The following P4HB variants were observed in gnomAD, a reference collection of about 807,000 sequenced individuals.
The protein encoded by P4HB is protein disulfide-isomerase.
In P4HB, 20 loss-of-function variants were observed where a neutral mutation model predicts 52.6. The ratio of observed to expected loss-of-function variants is 0.38; its 90% CI spans 0.27 to 0.55. P4HB has a LOEUF of 0.55. Ranked by LOEUF, P4HB falls within the 20% of genes least tolerant of loss-of-function variation. The pLI, the probability that P4HB is intolerant of heterozygous loss-of-function variation, is 0.74. For missense variants in P4HB, 601 were observed against 669.2 expected (o/e 0.90, Z 1.12); for synonymous variants, 296 against 277.9 (o/e 1.07, Z -0.65).
intron 2 of P4HB, among the ~76,000 whole-genome samples, chr17:81,857,203 C>T (rs1468467766): frequency 2.0e-5 from 3 of 152,116 alleles, no homozygotes; most frequent in South Asian, 2.1e-4. Flanking sequence ...GGCTGGAGTG[C>T]GGTGGCACGA....
chr17:81,855,734 G>C lies in P4HB; in HGVS notation c.353-148C>G. On this transcript the variant is annotated intron_variant, in intron 2 of 10. Transcript: ENST00000331483. The surrounding 1 kb of genome is among the most constrained non-coding windows in gnomAD (Gnocchi z 4.3). ...TGTTCTCCCACCATGGAAGAGGCCC[G>C]GTGCCGTCCGCCCGCCTCCTAAACC... 4.5e-6 allele frequency: 4 copies of C among 884,258 alleles called. No homozygotes were observed. The South Asian group carries it at 7.2e-5, about 16-fold the overall frequency. 54.8% of individuals were successfully genotyped at this position (884,258 alleles called of 1,614,324 possible).
At chr17:81,856,615 G>A (rs1325780312) in intron 2 of P4HB, among the ~76,000 whole-genome samples, 1 of 150,718 alleles carries the variant, frequency 6.6e-6, no homozygotes, top group East Asian at 1.9e-4. Context: ...TAGGATTACA[G>A]AGGTGAGCCA....
At chr17:81,847,103 A>C (rs201671991) in intron 5 of P4HB, 31 bp from the exon 6 acceptor site, 74 of 1,613,542 alleles carry the variant, frequency 4.6e-5, no homozygotes, top group Non-Finnish European at 6.2e-5. Flanking sequence ...ACTGGGTCTG[A>C]GTCACACACT....
chr17:81,845,739 G>A lies in P4HB; in HGVS notation c.1181C>T (p.Ala394Val), dbSNP rs570207013. ...EKKNVFVEFY[A>V]PWCGHCKQLA... ...CTGTTTGCAGTGACCACACCATGGG[G>A]CATCTGAAAAGAAAGCAGTTCTAGG... The change falls in exon 9 of 11, where the codon GCC becomes GTC. Residue 394 changes from alanine to valine, a missense_variant. Transcript: ENST00000331483. 6.2e-7 allele frequency: 1 copy of A among 1,612,660 alleles called. No individual in the cohort carries two copies. Among genetic ancestry groups the A allele is most frequent in the South Asian group, 1.1e-5 (1 of 91,052 alleles).
chr17:81,846,719 G>T lies in P4HB; in HGVS notation c.856-90C>A. ...TTGCTCGGAAGCAGACCGTGCTCCG[G>T]TGCCTTTTTCCTCCAACCTGGATTC... On this transcript the variant is annotated intron_variant, in intron 6 of 10. Coordinates refer to ENST00000331483, the MANE Select transcript of P4HB (RefSeq NM_000918.4). The surrounding 1 kb of genome is among the most constrained non-coding windows in gnomAD (Gnocchi z 5.7). 7.3e-7 allele frequency: 1 copy of T among 1,375,786 alleles called. No individual in the cohort carries two copies. Among genetic ancestry groups the T allele is most frequent in the Non-Finnish European group, 1.0e-6 (1 of 986,626 alleles). 85.2% of individuals were successfully genotyped at this position (1,375,786 alleles called of 1,614,324 possible). A position where few individuals can be genotyped will look rare whatever the true frequency, so the allele number is the denominator to read the frequency against.
rs1202274838 is a variant in P4HB, at chr17:81,843,788, G to C, written c.*224C>G. 2 of 599,800 alleles carry C rather than the reference G, an allele frequency of 3.3e-6. No homozygotes were observed. Among genetic ancestry groups the C allele is most frequent in the African/African-American group, 3.7e-5 (2 of 53,884 alleles). 37.2% of individuals were successfully genotyped at this position (599,800 alleles called of 1,614,324 possible). A position where few individuals can be genotyped will look rare whatever the true frequency, so the allele number is the denominator to read the frequency against. ...GGTTTCAGGAAACAAGCCCCACCAG[G>C]GTGGGCTGCCTGGAGATGGATCCCT... On this transcript the variant is annotated 3_prime_UTR_variant, in exon 11 of 11. Coordinates refer to ENST00000331483, the MANE Select transcript of P4HB (RefSeq NM_000918.4).
intron 2 of P4HB, chr17:81,858,852 AG>A (rs1162315968): frequency 3.5e-6 from 1 of 288,104 alleles, no homozygotes; most frequent in Non-Finnish European, 6.7e-6. Flanking sequence ...TGCTGCTCCT[AG>A]GAACAGGGGG....
At chr17:81,847,485 A>T (rs1299061744) in intron 4 of P4HB, 138 bp from the exon 5 acceptor site, 1 of 720,208 alleles carries the variant, frequency 1.4e-6, no homozygotes, top group Non-Finnish European at 2.5e-6. Context: ...AGGTCCAGCA[A>T]TGGGTACAGG....
chr17:81,849,101 C>T (rs2038787234), intron 4 of P4HB, among the ~76,000 whole-genome samples: 1 of 151,908 alleles, frequency 6.6e-6, no homozygotes, highest in Non-Finnish European at 1.5e-5. Context: ...TGGCACCTGC[C>T]TGTAATCCCA....
At chr17:81,845,326 C>G (rs530174706) in intron 9 of P4HB, 96 bp from the exon 10 acceptor site, 7 of 1,089,488 alleles carry the variant, frequency 6.4e-6, no homozygotes, top group Admixed American at 2.0e-5. Context: ...AGAGCAGGCC[C>G]GGTCCGGTGG....
chr17:81,859,423 G>A, intron 1 of P4HB, 36 bp from the exon 2 acceptor site: 1 of 1,576,932 alleles, frequency 6.3e-7, no homozygotes, highest in African/African-American at 1.3e-5. Flanking sequence ...AAGCAGCCTT[G>A]ATCCCTAAAG....
At position 81,847,325 on chromosome 17, in the gene P4HB, A is replaced by G. The variant is rs1334250179; in HGVS notation, c.647T>C (p.Phe216Ser). 2 of 1,613,916 alleles carry G rather than the reference A, an allele frequency of 1.2e-6. No homozygotes were observed. Among genetic ancestry groups the G allele is most frequent in the African/African-American group, 1.3e-5 (1 of 74,910 alleles). Residue 216 changes from phenylalanine to serine, a missense_variant, in exon 5 of 11, where the codon TTT (phenylalanine) becomes TCT (serine). Phe to Ser is a radical substitution (Grantham distance 155). Transcript: ENST00000331483. ...GTTCTCCTTGGTGACCTCCCCTTCAAAGTTGTTCCGGCCTTCATCAAACTG... is the reference window on the plus strand; with the variant it reads ...GTTCTCCTTGGTGACCTCCCCTTCAGAGTTGTTCCGGCCTTCATCAAACTG... ...FKKFDEGRNN[F>S]EGEVTKENLL... is the part of the protein sequence containing the mutation.
rs2038680829 is a variant in P4HB, at chr17:81,843,276, C to G, written c.*736G>C. On this transcript the variant is annotated 3_prime_UTR_variant, in exon 11 of 11. Transcript: ENST00000331483. ...CCAGCATCCTTGGCCACCTCCCCAC[C>G]CGGGAGTCAAGGGTCGTGGTTCTGC... is the stretch of plus-strand genomic sequence containing the variant. 5 of 390,550 alleles carry G rather than the reference C, an allele frequency of 1.3e-5. No individual in the cohort carries two copies. The allele number at this position is 390,550 out of a possible 1,614,324, so 24.2% of individuals were successfully genotyped here. A position where few individuals can be genotyped will look rare whatever the true frequency, so the allele number is the denominator to read the frequency against.
chr17:81,856,263 C>T (rs1177227544), intron 2 of P4HB, among the ~76,000 whole-genome samples: 1 of 151,558 alleles, frequency 6.6e-6, no homozygotes, highest in Admixed American at 6.6e-5. Context: ...AACTTCTGGG[C>T]TCAAGCAATC....
Position 81,855,717 on chromosome 17 carries a change from C to A in P4HB, c.353-131G>T, listed in dbSNP as rs2143355249. The A allele has an allele frequency of 9.0e-7, 1 of 1,113,204 alleles. No individual in the cohort carries two copies. The highest frequency in any genetic ancestry group is 2.7e-5 in the Admixed American group (1 of 36,998). 69.0% of individuals were successfully genotyped at this position (1,113,204 alleles called of 1,614,324 possible). A position where few individuals can be genotyped will look rare whatever the true frequency, so the allele number is the denominator to read the frequency against. On this transcript the variant is annotated intron_variant, in intron 2 of 10. Transcript: ENST00000331483. The surrounding 1 kb of genome is among the most constrained non-coding windows in gnomAD (Gnocchi z 4.3). ...AATCAACCTAAGTAAGATGTTCTCC[C>A]ACCATGGAAGAGGCCCGGTGCCGTC...
chr17:81,844,812 C>T (rs574679625), intron 10 of P4HB, among the ~76,000 whole-genome samples: 2 of 152,382 alleles, frequency 1.3e-5, no homozygotes, highest in East Asian at 1.9e-4. Flanking sequence ...GCCCCGCCAG[C>T]GGGCTGGGGA....
intron 2 of P4HB, among the ~76,000 whole-genome samples, chr17:81,856,647 CTTTT>C (rs112230345): frequency 3.1e-5 from 4 of 128,440 alleles, no homozygotes; most frequent in Admixed American, 7.8e-5. Flanking sequence ...AATGTTTCTT[CTTTT>C]TTTTTTTTTT....
rs747579506 is a variant in P4HB at position 81,859,395 on chromosome 17, C to T, written c.146-8G>A. The T allele has an allele frequency of 8.7e-6, 14 of 1,610,904 alleles. No homozygotes were observed. The Admixed American group carries it at 1.5e-4, about 17-fold the overall frequency. On this transcript the variant is annotated splice_polypyrimidine_tract_variant and splice_region_variant and intron_variant, in intron 1 of 10. Transcript: ENST00000331483. Reference sequence around the variant, plus strand: ...GGCCACACCAAGGGGCATCTGGAAGCGGAAATGAGATGCTAGAAAGCAGCC... The same window carrying T: ...GGCCACACCAAGGGGCATCTGGAAGTGGAAATGAGATGCTAGAAAGCAGCC...
chr17:81,846,542 C>T lies in P4HB; in HGVS notation c.943G>A (p.Val315Met), dbSNP rs2143319108. 9 of 1,613,982 alleles carry T rather than the reference C, an allele frequency of 5.6e-6. No homozygotes were observed. The highest frequency in any genetic ancestry group is 2.7e-5 in the African/African-American group (2 of 75,022). ...FGLKKEECPA[V>M]RLITLEEEMT... ...TCCTCCTCCAGGGTGATGAGGCGCA[C>T]GGCCGGGCACTCTTCCTTCTTCAGG... The change falls in exon 7 of 11, where the codon GTG becomes ATG. Residue 315 changes from valine to methionine, a missense_variant. Transcript: ENST00000331483. This position sits in a 1 kb window ranked among gnomAD's most constrained non-coding sequence, Gnocchi z 5.7.
Sources: allele counts gnomAD v4.1 joint callset (sites outside exome capture counted in the v4.1 genomes callset), GRCh38; gene constraint gnomAD v4.1.1; non-coding constraint Gnocchi (gnomAD v3.1); transcripts MANE v1.5; gene names NCBI Gene and HGNC (gene_info 2026-07-23, HGNC 2026-07-21).